FOXP1: variants seen among roughly 807,000 people sequenced by gnomAD.
The protein encoded by FOXP1 is forkhead box P1.
In FOXP1, 15 loss-of-function variants were observed where a neutral mutation model predicts 98.2. The observed-to-expected ratio is 0.15, with a 90% confidence interval of 0.10 to 0.24. FOXP1 has a LOEUF of 0.24. FOXP1 is among the 10% of genes least tolerant of loss of function. The probability of loss-of-function intolerance (pLI) is 1.00; values close to 1 mark genes in which losing one functional copy is unlikely to be tolerated. For synonymous variants in FOXP1, 371 were observed against 314.5 expected (o/e 1.18, Z -1.90); for missense variants, 633 against 848.5 (o/e 0.75, Z 3.15).
At chr3:71,010,316 G>C (rs947603704) in intron 12 of FOXP1, among the ~76,000 whole-genome samples, 2 of 152,116 alleles carry the variant, frequency 1.3e-5, no homozygotes, top group Non-Finnish European at 2.9e-5. Flanking sequence ...GACTGCCTGG[G>C]TTTGGACCTT....
At chr3:71,073,354 A>C (rs929101245) in intron 7 of FOXP1, among the ~76,000 whole-genome samples, 8 of 152,158 alleles carry the variant, frequency 5.3e-5, no homozygotes, top group Non-Finnish European at 1.0e-4. Context: ...ACCTCATGTG[A>C]ATCCTCACCT....
At chr3:71,125,855 C>G (rs1430142821) in intron 6 of FOXP1, among the ~76,000 whole-genome samples, 1 of 152,240 alleles carries the variant, frequency 6.6e-6, no homozygotes, top group Non-Finnish European at 1.5e-5. Flanking sequence ...ACACCAATCA[C>G]TGTGTCTGGA....
At chr3:71,140,819 T>TA (rs796412332) in intron 6 of FOXP1, among the ~76,000 whole-genome samples, 5 of 151,976 alleles carry the variant, frequency 3.3e-5, no homozygotes, top group African/African-American at 4.8e-5. Context: ...CTTGGGATGT[T>TA]AAAAAAATGT....
intron 3 of FOXP1, among the ~76,000 whole-genome samples, chr3:71,431,123 C>A (rs1251803512): frequency 6.6e-6 from 1 of 152,096 alleles, no homozygotes; most frequent in Non-Finnish European, 1.5e-5. Flanking sequence ...CTCAGGCAAT[C>A]TAGGGAGGCA....
chr3:71,368,388 A>G (rs34875846), intron 3 of FOXP1, among the ~76,000 whole-genome samples: 3,554 of 152,212 alleles, frequency 0.023, 50 homozygotes, highest in Non-Finnish European at 0.039. Context: ...TGGCCTCCCA[A>G]AGTGCTGGGA....
intron 3 of FOXP1, among the ~76,000 whole-genome samples, chr3:71,446,373 A>G (rs1035397810): frequency 3.9e-5 from 6 of 152,100 alleles, no homozygotes; most frequent in Admixed American, 3.9e-4. Flanking sequence ...GCAGAGAAAA[A>G]GCATGTTCAA....
intron 14 of FOXP1, among the ~76,000 whole-genome samples, chr3:70,982,739 AT>A (rs2039075951): frequency 1.3e-5 from 2 of 151,298 alleles, no homozygotes; most frequent in South Asian, 4.2e-4. Context: ...TTTAACAGTA[AT>A]CTCCCCTCCT....
rs569463121 is a variant in FOXP1, at chr3:71,379,895, A to T, written c.-167-20651T>A. 4.6e-5 allele frequency among the ~76,000 whole-genome samples: 7 copies of T among 152,342 alleles called. No individual in the cohort carries two copies. The South Asian group carries it at 1.4e-3, about 32-fold the overall frequency. ...TTCATAGTATTTACTTTAGGTAATC[A>T]TCTAGCTGTGGCAACTGATACTATT... On this transcript the variant is annotated intron_variant, in intron 3 of 20. Coordinates refer to ENST00000649528, the MANE Select transcript of FOXP1 (RefSeq NM_001349338.3).
chr3:70,994,249 T>C (rs2107552970), intron 13 of FOXP1, among the ~76,000 whole-genome samples: 1 of 151,584 alleles, frequency 6.6e-6, no homozygotes, highest in East Asian at 2.0e-4. Flanking sequence ...CTCCCACAGC[T>C]AGTGGAGTAG....
At position 70,955,021 on chromosome 3, in the gene FOXP1, C is replaced by T. The variant is rs2031439782; in HGVS notation, c.*4226G>A. On this transcript the variant is annotated 3_prime_UTR_variant, in exon 21 of 21. Transcript: ENST00000649528. Reference sequence around the variant, plus strand: ...GAGCTACACTGGGCCCAAGAAATGCCTTCAGCATTGTAAATCTGATTTTCA... The same window carrying T: ...GAGCTACACTGGGCCCAAGAAATGCTTTCAGCATTGTAAATCTGATTTTCA... 1 of 232,130 alleles carries T rather than the reference C, an allele frequency of 4.3e-6. No homozygotes were observed. Among genetic ancestry groups the T allele is most frequent in the Non-Finnish European group, 8.5e-6 (1 of 117,426 alleles). The allele number at this position is 232,130 out of a possible 1,614,324, so 14.4% of individuals were successfully genotyped here.
intron 11 of FOXP1, among the ~76,000 whole-genome samples, chr3:71,034,702 C>T (rs561757986): frequency 6.6e-6 from 1 of 152,132 alleles, no homozygotes; most frequent in African/African-American, 2.4e-5. Context: ...TCATCCTTGA[C>T]AAGAGCAAAA....
chr3:71,383,612 A>G (rs1331491274), intron 3 of FOXP1, among the ~76,000 whole-genome samples: 1 of 152,172 alleles, frequency 6.6e-6, no homozygotes, highest in Non-Finnish European at 1.5e-5. Context: ...TGCTACATTT[A>G]TGGGAGAGAG....
At chr3:71,342,824 C>T (rs915176638) in intron 4 of FOXP1, among the ~76,000 whole-genome samples, 2 of 152,046 alleles carry the variant, frequency 1.3e-5, no homozygotes, top group African/African-American at 4.8e-5. Flanking sequence ...CAGTTTTCCC[C>T]AACGGTGACA....
At chr3:71,553,150 AC>A (rs2045893593) in intron 2 of FOXP1, among the ~76,000 whole-genome samples, 1 of 152,124 alleles carries the variant, frequency 6.6e-6, no homozygotes, top group African/African-American at 2.4e-5. Flanking sequence ...CTGTTAGCAT[AC>A]CAAATTTCCC....
At chr3:71,490,184 G>A (rs1000852539) in intron 3 of FOXP1, among the ~76,000 whole-genome samples, 1 of 152,144 alleles carries the variant, frequency 6.6e-6, no homozygotes, top group Non-Finnish European at 1.5e-5. Context: ...CTTTGAGCAA[G>A]CCTTGGAAAT....
chr3:71,109,519 G>A (rs878879836), intron 7 of FOXP1, among the ~76,000 whole-genome samples: 1 of 151,550 alleles, frequency 6.6e-6, no homozygotes, highest in Non-Finnish European at 1.5e-5. Flanking sequence ...TGCTAAAATC[G>A]GTCTCTCAGT....
chr3:71,410,142 A>T (rs2082629451), intron 3 of FOXP1, among the ~76,000 whole-genome samples: 1 of 152,186 alleles, frequency 6.6e-6, no homozygotes, highest in South Asian at 2.1e-4. Context: ...AACCACTCAG[A>T]GTTTTCAGGA....
At chr3:71,207,596 T>C (rs1426031369) in intron 5 of FOXP1, among the ~76,000 whole-genome samples, 1 of 152,190 alleles carries the variant, frequency 6.6e-6, no homozygotes, top group Non-Finnish European at 1.5e-5. Flanking sequence ...AAGACCACCA[T>C]TTGCCTCTGC....
Position 71,131,296 on chromosome 3 carries a change from C to T in FOXP1, c.181-18659G>A, listed in dbSNP as rs1002279166. On this transcript the variant is annotated intron_variant, in intron 6 of 20. Coordinates refer to ENST00000649528, the MANE Select transcript of FOXP1 (RefSeq NM_001349338.3). ...AAATGATTGTCACAGTCCTGTCTTCCGTCACCGGAGTAATTCAGCAAATAC... is the reference window on the plus strand; with the variant it reads ...AAATGATTGTCACAGTCCTGTCTTCTGTCACCGGAGTAATTCAGCAAATAC... Among the ~76,000 whole-genome samples, 4 of 151,344 alleles carry T rather than the reference C, an allele frequency of 2.6e-5. No individual in the cohort carries two copies. In the East Asian group the frequency reaches 7.7e-4, roughly 29 times the overall value.
Sources: gnomAD v4.1 joint callset for allele counts (sites outside exome capture counted in the v4.1 genomes callset) on GRCh38, gnomAD v4.1.1 for gene constraint, MANE v1.5 for transcripts, NCBI Gene and HGNC (gene_info 2026-07-23, HGNC 2026-07-21) for gene names.